INTS6: variants seen among roughly 807,000 people sequenced by gnomAD.
The protein encoded by INTS6 is integrator complex subunit 6, also known as DEAD box protein.
INTS6 carries 16 observed loss-of-function variants against 104.9 expected under a neutral mutation model. That is an observed-to-expected ratio of 0.15 (90% confidence interval 0.10 to 0.23). The LOEUF (loss-of-function observed/expected upper bound fraction) is 0.23, where lower values mean the gene tolerates loss of function less well. INTS6 is among the 10% of genes least tolerant of loss of function. The pLI is 1.00. For synonymous variants in INTS6, 324 were observed against 358.7 expected (o/e 0.90, Z 1.09); for missense variants, 584 against 1,062.8 (o/e 0.55, Z 6.26).
chr13:51,415,571 T>G (rs567630228), intron 4 of INTS6, among the ~76,000 whole-genome samples: 2 of 152,274 alleles, frequency 1.3e-5, no homozygotes, highest in African/African-American at 4.8e-5. Flanking sequence ...CTGCCACCCA[T>G]GTAAGACATG....
rs184416688 is a variant in INTS6 at position 51,438,770 on chromosome 13, A to T, written c.340-8387T>A. 1.4e-3 allele frequency: 219 copies of T among 152,358 alleles called. 2 individuals are homozygous for T. The highest frequency in any genetic ancestry group is 5.1e-3 in the African/African-American group (213 of 41,582). The allele number at this position is 152,358 out of a possible 1,614,324, so 9.4% of individuals were successfully genotyped here. A position where few individuals can be genotyped will look rare whatever the true frequency, so the allele number is the denominator to read the frequency against. On this transcript the variant is annotated intron_variant, in intron 3 of 17. Coordinates refer to ENST00000311234, the MANE Select transcript of INTS6 (RefSeq NM_012141.3). The stretch of plus-strand genomic sequence containing the variant: ...TATTTCATTACCTGCCAAAGTATAT[A>T]AATAAGCAAGATAGTTCACAACTCA...
chr13:51,444,010 C>T (rs1438478240), intron 3 of INTS6: 6 of 152,032 alleles, frequency 3.9e-5, no homozygotes, highest in African/African-American at 1.2e-4. Context: ...ACATAATTAT[C>T]GATATTCTCC....
Position 51,361,791 on chromosome 13 carries a change from TTTTC to T in INTS6, c.*3957_*3960del, listed in dbSNP as rs1955582119. On this transcript the variant is annotated 3_prime_UTR_variant, in exon 18 of 18. Coordinates refer to ENST00000311234, the MANE Select transcript of INTS6 (RefSeq NM_012141.3). ...AAATGCACAGAAAATGCAATGGAAT[TTTTC>T]TTTCTTTCCTGCAGCTCTGTTGTTA... is the stretch of plus-strand genomic sequence containing the variant. 4 of 1,567,526 alleles carry T rather than the reference TTTTC, an allele frequency of 2.6e-6. No individual in the cohort carries two copies. The highest frequency in any genetic ancestry group is 2.6e-6 in the Non-Finnish European group (3 of 1,161,976).
At chr13:51,375,546 TGGC>T (rs1015275535) in intron 13 of INTS6, among the ~76,000 whole-genome samples, 3 of 151,292 alleles carry the variant, frequency 2.0e-5, no homozygotes, top group Admixed American at 6.6e-5. Context: ...AAATCAGAGG[TGGC>T]AAACGTTTAA....
At chr13:51,358,721 T>C (rs1401386869), downstream of INTS6, among the ~76,000 whole-genome samples, 19 of 151,932 alleles carry the variant, frequency 1.3e-4, no homozygotes, top group Admixed American at 1.2e-3. Flanking sequence ...GCTAATAGTC[T>C]AAAAAGGAAG....
At chr13:51,432,371 C>G (rs1009699519) in intron 3 of INTS6, among the ~76,000 whole-genome samples, 5 of 151,516 alleles carry the variant, frequency 3.3e-5, no homozygotes, top group Admixed American at 3.3e-4. Flanking sequence ...CCATCTTACA[C>G]AATGTGAATA....
intron 4 of INTS6, among the ~76,000 whole-genome samples, chr13:51,404,754 G>A (rs190183363): frequency 1.6e-4 from 25 of 151,776 alleles, no homozygotes; most frequent in African/African-American, 4.8e-4. Flanking sequence ...TTTCTTTACC[G>A]TTTACTGCAG....
Position 51,415,270 on chromosome 13 carries a change from T to C in INTS6, c.429+15024A>G, listed in dbSNP as rs146969918. 5.0e-3 allele frequency among the ~76,000 whole-genome samples: 756 copies of C among 152,306 alleles called. 6 individuals carry two copies. The highest frequency in any genetic ancestry group is 0.017 in the African/African-American group (723 of 41,556). On this transcript the variant is annotated intron_variant, in intron 4 of 17. Transcript: ENST00000311234. ...ACTATGAGCTCCAGGGTCCCATTCATCTAGATTCATAGACAGTTTACATTT... is the reference window on the plus strand; with the variant it reads ...ACTATGAGCTCCAGGGTCCCATTCACCTAGATTCATAGACAGTTTACATTT...
intron 4 of INTS6, among the ~76,000 whole-genome samples, chr13:51,429,785 A>AAAAAAAAAAAAAATAT (rs1156333077): frequency 2.2e-5 from 2 of 92,378 alleles, no homozygotes; most frequent in African/African-American, 9.2e-5. Context: ...AAAAAAAAAA[A>AAAAAAAAAAAAAATAT]ATATATATAT....
At chr13:51,447,754 A>AG (rs1385847851) in intron 3 of INTS6, 1 of 151,410 alleles carries the variant, frequency 6.6e-6, no homozygotes, top group African/African-American at 2.4e-5. Flanking sequence ...AAAAAAAAAA[A>AG]AAAGACAATG....
At chr13:51,368,559 C>T (rs1955737950) in intron 16 of INTS6, among the ~76,000 whole-genome samples, 1 of 152,138 alleles carries the variant, frequency 6.6e-6, no homozygotes, top group African/African-American at 2.4e-5. Flanking sequence ...AGTTTAACTA[C>T]TAAACATAGT....
chr13:51,381,504 G>A (rs890501628), intron 10 of INTS6, among the ~76,000 whole-genome samples: 1 of 152,066 alleles, frequency 6.6e-6, no homozygotes, highest in African/African-American at 2.4e-5. Flanking sequence ...CCTGGCCTAC[G>A]TAAGCAGTAC....
At chr13:51,441,388 G>C (rs563477671) in intron 3 of INTS6, 2 of 152,122 alleles carry the variant, frequency 1.3e-5, no homozygotes, top group African/African-American at 2.4e-5. Flanking sequence ...CTGCAAGATA[G>C]GTCTTTTCAT....
At chr13:51,366,143 T>C (rs978795757) in intron 17 of INTS6, among the ~76,000 whole-genome samples, 5 of 151,876 alleles carry the variant, frequency 3.3e-5, no homozygotes, top group Admixed American at 6.6e-5. Flanking sequence ...AACTAATATA[T>C]TCAAAATATA....
At chr13:51,349,684 G>A (rs115325739), downstream of INTS6, among the ~76,000 whole-genome samples, 213 of 152,266 alleles carry the variant, frequency 1.4e-3, 1 homozygote, top group African/African-American at 5.0e-3. Flanking sequence ...ACTCTCCACC[G>A]TCCTGATTCT....
chr13:51,435,567 A>AT (rs1480163510), intron 3 of INTS6, among the ~76,000 whole-genome samples: 1 of 152,048 alleles, frequency 6.6e-6, no homozygotes, highest in Non-Finnish European at 1.5e-5. Context: ...AACCTATGTT[A>AT]TTTTTGAAAG....
intron 3 of INTS6, chr13:51,449,303 T>G (rs1952987075): frequency 5.8e-6 from 1 of 172,970 alleles, no homozygotes; most frequent in Non-Finnish European, 1.1e-5. Flanking sequence ...TCCAGGTTCT[T>G]CTCTTGGTCA....
intron 17 of INTS6, 23 bp from the exon 18 acceptor site, chr13:51,365,868 C>T (rs1269234168): frequency 4.4e-6 from 6 of 1,370,338 alleles, no homozygotes; most frequent in African/African-American, 2.9e-5. Flanking sequence ...ATAAATAGTA[C>T]TCTCAATTAC....
chr13:51,394,852 G>A (rs1191941896), intron 5 of INTS6, among the ~76,000 whole-genome samples: 2 of 152,186 alleles, frequency 1.3e-5, no homozygotes, highest in Non-Finnish European at 2.9e-5. Context: ...AAGTGAAACA[G>A]AAGCTGGATA....
Sources: gnomAD v4.1 joint callset for allele counts (sites outside exome capture counted in the v4.1 genomes callset) on GRCh38, gnomAD v4.1.1 for gene constraint, MANE v1.5 for transcripts, NCBI Gene and HGNC (gene_info 2026-07-23, HGNC 2026-07-21) for gene names.